Variants in ERCC6L2 observed in about 807,000 individuals in gnomAD.
ERCC6L2 encodes the protein DNA excision repair protein ERCC-6-like 2.
A neutral mutation model predicts 132.0 loss-of-function variants in ERCC6L2; 77 were observed. The observed-to-expected ratio is 0.58, with a 90% CI of 0.49 to 0.71. The LOEUF (loss-of-function observed/expected upper bound fraction) is 0.71. Ranked by LOEUF, ERCC6L2 falls within the 30% of genes least tolerant of loss-of-function variation. ERCC6L2 has a pLI of 0.00. For synonymous variants in ERCC6L2, 583 were observed against 632.4 expected (o/e 0.92, Z 1.17); for missense variants, 1,542 against 1,837.6 (o/e 0.84, Z 2.94).
At chr9:95,953,388 AAC>A (rs2132966140) in intron 12 of ERCC6L2, among the ~76,000 whole-genome samples, 1 of 152,228 alleles carries the variant, frequency 6.6e-6, no homozygotes, top group Non-Finnish European at 1.5e-5. Context: ...CATCCTAGCT[AAC>A]ACGGTGAAAC....
intron 17 of ERCC6L2, among the ~76,000 whole-genome samples, chr9:96,003,800 T>C (rs560351965): frequency 1.1e-3 from 162 of 152,342 alleles, no homozygotes; most frequent in African/African-American, 3.7e-3. Context: ...GTTGTTGTTA[T>C]TGTTAAATTG....
At chr9:95,978,811 C>T (rs1412006704) in intron 17 of ERCC6L2, among the ~76,000 whole-genome samples, 1 of 152,042 alleles carries the variant, frequency 6.6e-6, no homozygotes, top group African/African-American at 2.4e-5. Context: ...GAGCTAAGTG[C>T]CTCAGGAGTA....
intron 17 of ERCC6L2, among the ~76,000 whole-genome samples, chr9:95,999,950 G>C (rs1247905105): frequency 6.7e-6 from 1 of 149,570 alleles, no homozygotes; most frequent in East Asian, 2.0e-4. Context: ...GTGCAGTGAC[G>C]TGATCTCAGC....
intron 13 of ERCC6L2, among the ~76,000 whole-genome samples, chr9:95,961,953 AG>A (rs1564266028): frequency 6.6e-6 from 1 of 152,164 alleles, no homozygotes; most frequent in Non-Finnish European, 1.5e-5. Flanking sequence ...CGAGAACAGT[AG>A]GGGGTGAACC....
intron 13 of ERCC6L2, among the ~76,000 whole-genome samples, chr9:95,964,172 C>G (rs891056846): frequency 2.6e-5 from 4 of 152,076 alleles, no homozygotes; most frequent in African/African-American, 9.7e-5. Flanking sequence ...GTTTGGCACT[C>G]TACCATTTAA....
chr9:95,906,376 T>C (rs1162674063), intron 3 of ERCC6L2, among the ~76,000 whole-genome samples: 4 of 151,962 alleles, frequency 2.6e-5, no homozygotes, highest in Non-Finnish European at 2.9e-5. Context: ...GTAGGGGAGA[T>C]TGGGGGCAGT....
At chr9:95,877,591 G>A (rs900273902) in intron 1 of ERCC6L2, among the ~76,000 whole-genome samples, 3 of 152,042 alleles carry the variant, frequency 2.0e-5, no homozygotes, top group East Asian at 3.8e-4. Context: ...AAGCTTAGGC[G>A]GGAGGATAGT....
At chr9:96,036,423 A>G (rs1207516968) in intron 19 of ERCC6L2, among the ~76,000 whole-genome samples, 1 of 152,072 alleles carries the variant, frequency 6.6e-6, no homozygotes, top group African/African-American at 2.4e-5. Context: ...TTCTCCATTC[A>G]TCCATTGATG....
chr9:95,913,695 A>G (rs1044596620), intron 4 of ERCC6L2, among the ~76,000 whole-genome samples: 1 of 152,146 alleles, frequency 6.6e-6, no homozygotes, highest in Non-Finnish European at 1.5e-5. Context: ...GCAACTACTG[A>G]TCTGCTTTCT....
At chr9:95,984,639 A>G (rs1304419443) in intron 17 of ERCC6L2, among the ~76,000 whole-genome samples, 2 of 152,146 alleles carry the variant, frequency 1.3e-5, no homozygotes, top group African/African-American at 4.8e-5. Flanking sequence ...GATTATATAC[A>G]TATCTCTCTT....
chr9:95,880,558 C>G (rs1017903924), intron 1 of ERCC6L2, among the ~76,000 whole-genome samples: 10 of 152,092 alleles, frequency 6.6e-5, no homozygotes, highest in African/African-American at 1.9e-4. Flanking sequence ...GCCCGTGACC[C>G]CTATCCACTG....
Position 95,875,727 on chromosome 9 carries a change from T to C in ERCC6L2, c.-312T>C. On this transcript the variant is annotated 5_prime_UTR_variant, in exon 1 of 19. Transcript: ENST00000653738. ...AGATTTGGGGGTCGCCTTGCCGGCC[T>C]CCTGTCCTCCTCCGGCGGCGGCGGA... 2.2e-6 allele frequency: 1 copy of C among 454,436 alleles called. No homozygotes were observed. The highest frequency in any genetic ancestry group is 4.0e-6 in the Non-Finnish European group (1 of 250,736). The allele number at this position is 454,436 out of a possible 1,614,324, so 28.2% of individuals were successfully genotyped here.
chr9:95,939,008 G>A (rs768181369), intron 11 of ERCC6L2, among the ~76,000 whole-genome samples: 7 of 151,910 alleles, frequency 4.6e-5, no homozygotes, highest in African/African-American at 1.7e-4. Context: ...ACTTCTCACA[G>A]TCTACTGGTA....
chr9:95,936,719 A>G lies in ERCC6L2; in HGVS notation c.1752-4735A>G, dbSNP rs1830571056. 1.3e-5 allele frequency among the ~76,000 whole-genome samples: 2 copies of G among 152,202 alleles called. 1 individual carries two copies. The highest frequency in any genetic ancestry group is 4.1e-4 in the South Asian group (2 of 4,834). On this transcript the variant is annotated intron_variant, in intron 11 of 18. Coordinates refer to ENST00000653738, the MANE Select transcript of ERCC6L2 (RefSeq NM_020207.7). Reference sequence around the variant, plus strand: ...TGACGTTGATACAGTGAAGAGCAGAACATTTCCATCACAAGAATCCCTCAT... The same window carrying G: ...TGACGTTGATACAGTGAAGAGCAGAGCATTTCCATCACAAGAATCCCTCAT...
At chr9:95,984,635 A>G (rs1232380983) in intron 17 of ERCC6L2, among the ~76,000 whole-genome samples, 1 of 152,264 alleles carries the variant, frequency 6.6e-6, no homozygotes, top group African/African-American at 2.4e-5. Context: ...TTATGATTAT[A>G]TACATATCTC....
chr9:95,876,207 G>A, intron 1 of ERCC6L2, 123 bp downstream of exon 1: 1 of 862,680 alleles, frequency 1.2e-6, no homozygotes, highest in Non-Finnish European at 1.8e-6. Flanking sequence ...GACAGCTGCA[G>A]ATTGTGAACC....
At chr9:96,031,067 C>T (rs887939840) in intron 19 of ERCC6L2, among the ~76,000 whole-genome samples, 1 of 152,132 alleles carries the variant, frequency 6.6e-6, no homozygotes, top group Non-Finnish European at 1.5e-5. Flanking sequence ...AAACAAGTCC[C>T]GGACACATTT....
intron 9 of ERCC6L2, among the ~76,000 whole-genome samples, chr9:95,924,124 C>T (rs745725543): frequency 5.9e-5 from 9 of 151,742 alleles, no homozygotes; most frequent in Non-Finnish European, 7.4e-5. Context: ...CAAAACTCAA[C>T]TTTGTTATAG....
chr9:96,020,198 AACTC>A (rs1229413382), downstream of ERCC6L2: 10 of 156,550 alleles, frequency 6.4e-5, no homozygotes, highest in African/African-American at 2.4e-4. Context: ...AAATCTTGTG[AACTC>A]ACTGTCACGA....
Sources: allele counts gnomAD v4.1 joint callset (sites outside exome capture counted in the v4.1 genomes callset), GRCh38; gene constraint gnomAD v4.1.1; transcripts MANE v1.5; gene names NCBI Gene and HGNC (gene_info 2026-07-23, HGNC 2026-07-21).